Variants in GATA4 observed in about 807,000 individuals in gnomAD.
The protein encoded by GATA4 is GATA binding protein 4, also known as transcription factor GATA-4.
GATA4 carries 7 observed loss-of-function variants against 37.9 expected under a neutral mutation model. That is an observed-to-expected ratio of 0.18 (90% confidence interval 0.11 to 0.35). GATA4 has a LOEUF of 0.35. GATA4 is among the 10% of genes least tolerant of loss of function. The pLI, the probability that GATA4 is intolerant of heterozygous loss-of-function variation, is 1.00. For missense variants in GATA4, 647 were observed against 653.0 expected (o/e 0.99, Z 0.10); for synonymous variants, 372 against 292.6 (o/e 1.27, Z -2.77).
At chr8:11,755,181 C>T (rs550170024) in intron 5 of GATA4, 48 bp downstream of exon 5, 4 of 1,493,094 alleles carry the variant, frequency 2.7e-6, no homozygotes, top group East Asian at 4.5e-5. Context: ...CAGGAGCCCT[C>T]AGAGTGCCTA....
At chr8:11,704,765 C>T (rs1799817782) in intron 1 of GATA4, among the ~76,000 whole-genome samples, 1 of 152,240 alleles carries the variant, frequency 6.6e-6, no homozygotes, top group African/African-American at 2.4e-5. Context: ...GTGGCAGTGC[C>T]AGGCAGCTCC....
rs1800057476 is a variant in GATA4 at position 11,709,350 on chromosome 8, C to T, written c.616+422C>T. On this transcript the variant is annotated intron_variant, in intron 2 of 6. Coordinates refer to ENST00000532059, the MANE Select transcript of GATA4 (RefSeq NM_001308093.3). The surrounding 1 kb of genome is among the most constrained non-coding windows in gnomAD (Gnocchi z 4.3). ...CCTTTCCTCCCCGCCCGCCCTCGGG[C>T]CTCCGCAGGGAACTGATTACAATGG... is the stretch of plus-strand genomic sequence containing the variant. Among the ~76,000 whole-genome samples, 1 of 152,236 alleles carries T rather than the reference C, an allele frequency of 6.6e-6. No individual in the cohort carries two copies. The highest frequency in any genetic ancestry group is 1.5e-5 in the Non-Finnish European group (1 of 68,032).
chr8:11,678,055 AAT>A (rs1399593458), intron 1 of GATA4, among the ~76,000 whole-genome samples: 68 of 124,200 alleles, frequency 5.5e-4, no homozygotes, highest in African/African-American at 1.7e-3. Flanking sequence ...TAATAATAAT[AAT>A]AAATAGGAGT....
Position 11,758,587 on chromosome 8 carries a change from GAAC to G in GATA4, c.*119_*121del, listed in dbSNP as rs1802728293. The G allele has an allele frequency of 3.9e-6, 4 of 1,024,532 alleles. No homozygotes were observed. The highest frequency in any genetic ancestry group is 3.2e-5 in the African/African-American group (2 of 63,200). The allele number at this position is 1,024,532 out of a possible 1,614,324, so 63.5% of individuals were successfully genotyped here. ...CCTCCTCTGCCTGGTAATGACTCCAGAACAACAACTGGGAAGAAACTTGAAGTC... is the reference window on the plus strand; with the variant it reads ...CCTCCTCTGCCTGGTAATGACTCCAGAACAACTGGGAAGAAACTTGAAGTC... On this transcript the variant is annotated 3_prime_UTR_variant, in exon 7 of 7. Transcript: ENST00000532059.
At chr8:11,740,074 T>G (rs913825829) in intron 2 of GATA4, among the ~76,000 whole-genome samples, 10 of 152,174 alleles carry the variant, frequency 6.6e-5, no homozygotes, top group Non-Finnish European at 1.5e-4. Flanking sequence ...TATTTTCAAG[T>G]GCTGATCCCC....
intron 1 of GATA4, chr8:11,697,802 G>A: frequency 1.0e-6 from 1 of 985,462 alleles, no homozygotes; most frequent in Non-Finnish European, 1.2e-6. Context: ...CGGGGCGAGG[G>A]CAAGGGTGCC....
chr8:11,683,877 C>T (rs1466856913), intron 1 of GATA4, among the ~76,000 whole-genome samples: 2 of 152,202 alleles, frequency 1.3e-5, no homozygotes, highest in Admixed American at 1.3e-4. Flanking sequence ...CTACAGCTCC[C>T]GGGTGGGCTT....
chr8:11,718,477 GT>G (rs1418524214), intron 2 of GATA4, among the ~76,000 whole-genome samples: 1 of 152,220 alleles, frequency 6.6e-6, no homozygotes. Flanking sequence ...GCCTCTGCAA[GT>G]AAAATTTGAG....
At chr8:11,697,480 G>C in intron 1 of GATA4, 2 of 874,040 alleles carry the variant, frequency 2.3e-6, no homozygotes, top group Non-Finnish European at 2.7e-6. Flanking sequence ...GGTGTTCGGA[G>C]GGGAGCAGCG....
intron 2 of GATA4, among the ~76,000 whole-genome samples, chr8:11,723,099 C>T (rs1439428980): frequency 1.3e-5 from 2 of 152,240 alleles, no homozygotes; most frequent in South Asian, 2.1e-4. Context: ...GTAATCCCAG[C>T]ACTTTGGGAG....
chr8:11,730,749 G>A (rs892464237), intron 2 of GATA4, among the ~76,000 whole-genome samples: 1 of 152,200 alleles, frequency 6.6e-6, no homozygotes. Flanking sequence ...TTATTCCAGC[G>A]ACTGTCCTGT....
At chr8:11,714,774 C>T (rs1479610127) in intron 2 of GATA4, among the ~76,000 whole-genome samples, 2 of 152,176 alleles carry the variant, frequency 1.3e-5, no homozygotes, top group African/African-American at 4.8e-5. Context: ...TTCTGTATCC[C>T]TCCCCATTTC....
intron 2 of GATA4, among the ~76,000 whole-genome samples, chr8:11,748,709 C>T (rs1166552585): frequency 1.3e-5 from 2 of 152,164 alleles, no homozygotes; most frequent in African/African-American, 4.8e-5. Flanking sequence ...TTTTCCTCTT[C>T]TCGTGCTCAG....
intron 5 of GATA4, chr8:11,756,524 T>C (rs1802577200): frequency 3.6e-6 from 1 of 281,454 alleles, no homozygotes; most frequent in Non-Finnish European, 6.9e-6. Context: ...CACTAGGCTG[T>C]TGATAGTCTC....
intron 2 of GATA4, among the ~76,000 whole-genome samples, chr8:11,742,389 T>C (rs1461290913): frequency 7.9e-6 from 1 of 126,304 alleles, no homozygotes; most frequent in Admixed American, 7.6e-5. Context: ...GTTTTGTTTT[T>C]TTTTTTTCCT....
chr8:11,745,308 T>C (rs3207197), intron 2 of GATA4, among the ~76,000 whole-genome samples: 1 of 149,742 alleles, frequency 6.7e-6, no homozygotes, highest in Admixed American at 6.7e-5. Context: ...ACATGGTGGC[T>C]CACGCCCATA....
Position 11,708,434 on chromosome 8 carries a change from C to T in GATA4, c.122C>T (p.Thr41Ile), listed in dbSNP as rs1396291911. The change falls in exon 2 of 7, where the codon ACA becomes ATA. Residue 41 changes from threonine (T) to isoleucine (I), a missense_variant. By Grantham distance (89) the Thr-to-Ile change is moderately conservative (BLOSUM62 -1). Transcript: ENST00000532059. The surrounding 1 kb of genome is among the most constrained non-coding windows in gnomAD (Gnocchi z 6.7). ...GCGTCCTCGCCAGTCTACGTGCCCACACCGCGGGTGCCCTCCTCCGTGCTG... is the reference window on the plus strand; with the variant it reads ...GCGTCCTCGCCAGTCTACGTGCCCATACCGCGGGTGCCCTCCTCCGTGCTG... The part of the protein sequence containing the change: ...GAASSPVYVP[T>I]PRVPSSVLGL... 1 of 1,534,668 alleles carries T rather than the reference C, an allele frequency of 6.5e-7. No homozygotes were observed. The highest frequency in any genetic ancestry group is 2.4e-5 in the East Asian group (1 of 40,976).
At chr8:11,751,178 A>G (rs754872203) in intron 4 of GATA4, among the ~76,000 whole-genome samples, 14 of 152,320 alleles carry the variant, frequency 9.2e-5, no homozygotes, top group Non-Finnish European at 1.6e-4. Flanking sequence ...ACCAATACAC[A>G]CAGTATCAGA....
intron 2 of GATA4, among the ~76,000 whole-genome samples, chr8:11,731,734 A>G (rs1360546203): frequency 1.3e-5 from 2 of 152,244 alleles, no homozygotes; most frequent in Non-Finnish European, 2.9e-5. Context: ...GGCTAATTTT[A>G]TATGTATTTT....
Sources: allele counts gnomAD v4.1 joint callset (sites outside exome capture counted in the v4.1 genomes callset), GRCh38; gene constraint gnomAD v4.1.1; non-coding constraint Gnocchi (gnomAD v3.1); transcripts MANE v1.5; gene names NCBI Gene and HGNC (gene_info 2026-07-23, HGNC 2026-07-21).